Variants in UBR2 observed in about 807,000 individuals in gnomAD.
UBR2 encodes the protein ubiquitin protein ligase E3 component n-recognin 2, also known as E3 ubiquitin-protein ligase UBR2.
UBR2 carries 92 observed loss-of-function variants against 247.9 expected under a neutral mutation model. The observed-to-expected ratio is 0.37, with a 90% CI of 0.31 to 0.44. The LOEUF (loss-of-function observed/expected upper bound fraction) is 0.44, where lower values mean the gene tolerates loss of function less well. Among genes scored for constraint, UBR2 ranks in the 20% least tolerant of loss-of-function variants. The probability of loss-of-function intolerance (pLI) is 1.00; values close to 1 mark genes in which losing one functional copy is unlikely to be tolerated. For synonymous variants in UBR2, 672 were observed against 693.5 expected (o/e 0.97, Z 0.49); for missense variants, 1,613 against 2,112.6 (o/e 0.76, Z 4.64).
intron 18 of UBR2, 116 bp from the exon 19 acceptor site, chr6:42,644,098 G>T: frequency 9.7e-7 from 1 of 1,031,026 alleles, no homozygotes; most frequent in East Asian, 2.5e-5. Context: ...AACCTTTTAG[G>T]ATTGGTAAAC....
Position 42,676,210 on chromosome 6 carries a change from T to A in UBR2, c.4387+19T>A. The A allele has an allele frequency of 6.5e-7, 1 of 1,545,310 alleles. No individual in the cohort carries two copies. Among genetic ancestry groups the A allele is most frequent in the Non-Finnish European group, 8.7e-7 (1 of 1,152,888 alleles). Reference sequence around the variant, plus strand: ...TGTACAGGTAACTCTTGCCTTTTTGTCAGTTTCTTGAAGGAAATACTTGAG... The same window carrying A: ...TGTACAGGTAACTCTTGCCTTTTTGACAGTTTCTTGAAGGAAATACTTGAG... On this transcript the variant is annotated intron_variant, in intron 39 of 46. Coordinates refer to ENST00000372901, the MANE Select transcript of UBR2 (RefSeq NM_001363705.2).
chr6:42,683,039 T>C lies in UBR2; in HGVS notation c.4719-16T>C, dbSNP rs777900636. On this transcript the variant is annotated splice_polypyrimidine_tract_variant and intron_variant, in intron 42 of 46. Transcript: ENST00000372901. ...TAAAAGTGTTTTGTGTTTTTCCCCC[T>C]CTGTTTACATTAAAGTTGGTGCCGT... 2.5e-6 allele frequency: 4 copies of C among 1,610,224 alleles called. No individual in the cohort carries two copies. The highest frequency in any genetic ancestry group is 1.7e-5 in the Admixed American group (1 of 59,420).
intron 41 of UBR2, among the ~76,000 whole-genome samples, chr6:42,679,283 A>G (rs972804824): frequency 3.9e-5 from 6 of 152,230 alleles, no homozygotes; most frequent in African/African-American, 1.4e-4. Flanking sequence ...TTGCCTAGGA[A>G]CCATATAAAA....
rs1582746232 is a variant in UBR2, at chr6:42,689,313, A to T, written c.5025-256A>T. Among the ~76,000 whole-genome samples, 1 of 152,184 alleles carries T rather than the reference A, an allele frequency of 6.6e-6. No homozygotes were observed. The highest frequency in any genetic ancestry group is 1.9e-4 in the East Asian group (1 of 5,192). Reference sequence around the variant, plus strand: ...ACCTTGATAATTTCTTATACGTATTAGGTCCTCAATAAATGTCTGTTTAAT... The same window carrying T: ...ACCTTGATAATTTCTTATACGTATTTGGTCCTCAATAAATGTCTGTTTAAT... On this transcript the variant is annotated intron_variant, in intron 45 of 46. Transcript: ENST00000372901. The surrounding 1 kb of genome is among the most constrained non-coding windows in gnomAD (Gnocchi z 4.0).
At chr6:42,568,210 C>T (rs888389592) in intron 1 of UBR2, among the ~76,000 whole-genome samples, 1 of 152,132 alleles carries the variant, frequency 6.6e-6, no homozygotes, top group South Asian at 2.1e-4. Flanking sequence ...TATTCAGATT[C>T]ATGCAATCAT....
intron 21 of UBR2, among the ~76,000 whole-genome samples, chr6:42,646,073 A>C (rs905556154): frequency 1.3e-5 from 2 of 152,172 alleles, no homozygotes; most frequent in African/African-American, 2.4e-5. Flanking sequence ...AGTGAATGCA[A>C]AATAATAGTG....
At chr6:42,630,874 A>G (rs1224567630) in intron 11 of UBR2, among the ~76,000 whole-genome samples, 1 of 151,808 alleles carries the variant, frequency 6.6e-6, no homozygotes, top group Non-Finnish European at 1.5e-5. Context: ...TGGCGTGATC[A>G]TGGCTCACTG....
chr6:42,642,930 A>G (rs750863551), intron 18 of UBR2, among the ~76,000 whole-genome samples: 1 of 152,102 alleles, frequency 6.6e-6, no homozygotes, highest in Non-Finnish European at 1.5e-5. Context: ...ATTCTCATAC[A>G]TCTTAAACTC....
intron 38 of UBR2, 58 bp downstream of exon 38, chr6:42,674,251 G>C: frequency 6.5e-7 from 1 of 1,544,734 alleles, no homozygotes; most frequent in South Asian, 1.1e-5. Flanking sequence ...TTTACCTTAG[G>C]TTTGGTGAGC....
At position 42,615,149 on chromosome 6, in the gene UBR2, T is replaced by A; in HGVS notation, c.1064T>A (p.Leu355Gln). 6.2e-7 allele frequency: 1 copy of A among 1,611,742 alleles called. No homozygotes were observed. The highest frequency in any genetic ancestry group is 8.5e-7 in the Non-Finnish European group (1 of 1,178,968). Residue 355 changes from leucine (L) to glutamine (Q), a missense_variant, in exon 9 of 47, where the codon CTG becomes CAG. Around this residue, in one of 3 missense-constraint regions of UBR2, gnomAD observed 1,524 missense variants for 1,967.3 expected, o/e 0.77. Transcript: ENST00000372901. ...DGENSSLVDRLMLSDSKLWKG... is the reference protein window; with the variant it reads ...DGENSSLVDRQMLSDSKLWKG... ...GAAAACTCTTCTCTAGTGGACAGAC[T>A]GATGCTTAGTGATTCCAAATTATGG... is the stretch of plus-strand genomic sequence containing the variant.
At chr6:42,658,853 T>C (rs756771740) in intron 29 of UBR2, 29 bp downstream of exon 29, 1 of 1,489,070 alleles carries the variant, frequency 6.7e-7, no homozygotes, top group African/African-American at 1.4e-5. Context: ...AAAATTAATG[T>C]CTTGACGAGT....
chr6:42,681,502 G>C (rs1799049173), intron 42 of UBR2, among the ~76,000 whole-genome samples: 1 of 152,150 alleles, frequency 6.6e-6, no homozygotes, highest in Non-Finnish European at 1.5e-5. Flanking sequence ...CATACGAAAA[G>C]ATGCTCAACA....
chr6:42,586,538 C>CT (rs147830824), intron 2 of UBR2, among the ~76,000 whole-genome samples: 6,812 of 97,156 alleles, frequency 0.07, 311 homozygotes, highest in South Asian at 0.12. Flanking sequence ...GTTTGTCTCT[C>CT]TTTTTTTTTT....
intron 1 of UBR2, among the ~76,000 whole-genome samples, chr6:42,571,242 CAAAAAAAAA>C (rs774925925): frequency 1.0e-4 from 4 of 39,138 alleles, no homozygotes; most frequent in East Asian, 7.9e-4. Flanking sequence ...GACTCCGTCT[CAAAAAAAAA>C]AAAAAAAAAA....
rs1035763230 is a variant in UBR2, at chr6:42,650,165, G to C, written c.2463-119G>C. ...AATCAACCCACTGAAAATAGTTGTA[G>C]CTTAACACCCACCAGCAGTATATGA... is the stretch of plus-strand genomic sequence containing the variant. On this transcript the variant is annotated intron_variant, in intron 22 of 46. Coordinates refer to ENST00000372901, the MANE Select transcript of UBR2 (RefSeq NM_001363705.2). The C allele has an allele frequency of 9.3e-6, 7 of 752,422 alleles. No homozygotes were observed. The South Asian group carries it at 1.1e-4, about 12-fold the overall frequency. The allele number at this position is 752,422 out of a possible 1,614,324, so 46.6% of individuals were successfully genotyped here. A position where few individuals can be genotyped will look rare whatever the true frequency, so the allele number is the denominator to read the frequency against.
At chr6:42,669,942 T>C in intron 34 of UBR2, 150 bp from the exon 35 acceptor site, 1 of 984,142 alleles carries the variant, frequency 1.0e-6, no homozygotes, top group Non-Finnish European at 1.4e-6. Context: ...GCAGGGGCAG[T>C]TTGCATTATC....
intron 25 of UBR2, among the ~76,000 whole-genome samples, chr6:42,653,898 G>A (rs549060423): frequency 1.4e-4 from 21 of 152,168 alleles, no homozygotes; most frequent in South Asian, 6.2e-4. Context: ...ATTACAAGGC[G>A]TGAGCCACCG....
chr6:42,654,483 G>T (rs986539371), intron 25 of UBR2, among the ~76,000 whole-genome samples: 3 of 152,186 alleles, frequency 2.0e-5, no homozygotes, highest in African/African-American at 4.8e-5. Context: ...CTAACACTTT[G>T]GGAGGCCAAG....
intron 11 of UBR2, among the ~76,000 whole-genome samples, chr6:42,621,070 C>T (rs1278808325): frequency 6.6e-6 from 1 of 152,150 alleles, no homozygotes; most frequent in Non-Finnish European, 1.5e-5. Flanking sequence ...TGATCCACCG[C>T]ACCCGGCCGT....
Sources: gnomAD v4.1 joint callset for allele counts (sites outside exome capture counted in the v4.1 genomes callset) on GRCh38, gnomAD v4.1.1 for gene constraint, gnomAD v4.1.1 regional missense constraint, Gnocchi (gnomAD v3.1) non-coding constraint, MANE v1.5 for transcripts, NCBI Gene and HGNC (gene_info 2026-07-23, HGNC 2026-07-21) for gene names.